The following PRKCA variants were observed in gnomAD, a reference collection of about 807,000 sequenced individuals.
PRKCA encodes the protein protein kinase C alpha.
A neutral mutation model predicts 87.0 loss-of-function variants in PRKCA; 27 were observed. The observed-to-expected ratio is 0.31, with a 90% confidence interval of 0.23 to 0.43. The LOEUF (loss-of-function observed/expected upper bound fraction) is 0.43, where lower values mean the gene tolerates loss of function less well. Among genes scored for constraint, PRKCA ranks in the 20% least tolerant of loss-of-function variants. The pLI, the probability that PRKCA is intolerant of heterozygous loss-of-function variation, is 1.00. For missense variants in PRKCA, 518 were observed against 852.3 expected, an observed-to-expected ratio of 0.61 and a Z score of 4.88; for synonymous variants, 329 against 311.1, an observed-to-expected ratio of 1.06 and a Z score of -0.61.
At chr17:66,592,603 G>A (rs1471565487) in intron 3 of PRKCA, among the ~76,000 whole-genome samples, 5 of 152,098 alleles carry the variant, frequency 3.3e-5, no homozygotes, top group African/African-American at 4.8e-5. Flanking sequence ...GAGTGGCGTG[G>A]TAGATCACAC....
intron 2 of PRKCA, among the ~76,000 whole-genome samples, chr17:66,393,320 G>T (rs2085733805): frequency 6.6e-6 from 1 of 152,158 alleles, no homozygotes; most frequent in Non-Finnish European, 1.5e-5. Flanking sequence ...CCCAGCTTCT[G>T]ATGATTTTGT....
At chr17:66,786,055 C>A (rs1051962637) in intron 14 of PRKCA, among the ~76,000 whole-genome samples, 3 of 152,198 alleles carry the variant, frequency 2.0e-5, no homozygotes, top group Non-Finnish European at 4.4e-5. Flanking sequence ...GTCTCGATCA[C>A]CTGCCCTTGT....
intron 2 of PRKCA, among the ~76,000 whole-genome samples, chr17:66,362,003 C>G (rs72846614): frequency 0.045 from 6,775 of 152,134 alleles, 219 homozygotes; most frequent in Admixed American, 0.078. Flanking sequence ...AAGCCACTTG[C>G]GTGTTCTAGA....
At chr17:66,778,980 C>T (rs777742867) in intron 14 of PRKCA, among the ~76,000 whole-genome samples, 2 of 152,152 alleles carry the variant, frequency 1.3e-5, no homozygotes, top group African/African-American at 2.4e-5. Flanking sequence ...TTCAAATCCC[C>T]TTCTTCATCT....
chr17:66,381,207 G>C (rs765907783), intron 2 of PRKCA, among the ~76,000 whole-genome samples: 1 of 152,162 alleles, frequency 6.6e-6, no homozygotes, highest in Non-Finnish European at 1.5e-5. Context: ...CTCCCAAAGT[G>C]CTGGGATTAC....
At chr17:66,436,333 C>T (rs149975119) in intron 2 of PRKCA, among the ~76,000 whole-genome samples, 76 of 152,250 alleles carry the variant, frequency 5.0e-4, no homozygotes, top group African/African-American at 1.6e-3. Context: ...GGTCAAACCC[C>T]GGTTCTACCA....
At chr17:66,548,808 GTT>G (rs10543010) in intron 3 of PRKCA, among the ~76,000 whole-genome samples, 17,482 of 147,682 alleles carry the variant, frequency 0.12, 1,245 homozygotes, top group African/African-American at 0.19. Flanking sequence ...GTTTCGGCAA[GTT>G]TTTTTTTTTT....
intron 5 of PRKCA, among the ~76,000 whole-genome samples, chr17:66,654,360 C>A (rs1489212879): frequency 6.6e-6 from 1 of 152,180 alleles, no homozygotes; most frequent in African/African-American, 2.4e-5. Flanking sequence ...CAGGCCCCAA[C>A]TGGATGCTTT....
chr17:66,539,970 G>A (rs1350958881), intron 3 of PRKCA, among the ~76,000 whole-genome samples: 1 of 152,200 alleles, frequency 6.6e-6, no homozygotes, highest in Non-Finnish European at 1.5e-5. Flanking sequence ...CACGCAACCC[G>A]AGGGATTTGA....
At chr17:66,346,955 C>T (rs138280148) in intron 2 of PRKCA, among the ~76,000 whole-genome samples, 5,523 of 151,244 alleles carry the variant, frequency 0.037, 131 homozygotes, top group Non-Finnish European at 0.048. Context: ...CACTTGAACG[C>T]GGGAGGCGGA....
intron 13 of PRKCA, among the ~76,000 whole-genome samples, chr17:66,770,155 G>A (rs1324617657): frequency 6.6e-6 from 1 of 152,234 alleles, no homozygotes; most frequent in Non-Finnish European, 1.5e-5. Context: ...CAGATGGAAA[G>A]ACAAGAAGCA....
intron 2 of PRKCA, among the ~76,000 whole-genome samples, chr17:66,489,352 C>CATATATATATATATATAT (rs10529618): frequency 1.0e-5 from 1 of 98,918 alleles, no homozygotes; most frequent in African/African-American, 3.9e-5. Flanking sequence ...CTTAGCAGTG[C>CATATATATATATATATAT]ATATATATAT....
At chr17:66,440,238 C>G (rs1913660105) in intron 2 of PRKCA, among the ~76,000 whole-genome samples, 1 of 152,196 alleles carries the variant, frequency 6.6e-6, no homozygotes, top group African/African-American at 2.4e-5. Flanking sequence ...CAAAATGAGT[C>G]CAGACCCCAT....
Position 66,483,501 on chromosome 17 carries a change from G to A in PRKCA, c.206-12700G>A, listed in dbSNP as rs868377029. Among the ~76,000 whole-genome samples, 10 of 126,458 alleles carry A rather than the reference G, an allele frequency of 7.9e-5. No homozygotes were observed. The East Asian group carries it at 2.0e-3, about 25-fold the overall frequency. The allele number at this position is 126,458 out of a possible 152,430, so 83.0% of individuals were successfully genotyped here. On this transcript the variant is annotated intron_variant, in intron 2 of 16. Transcript: ENST00000413366. ...ATTTTTTCGAGACAGAGTCTCTGTC[G>A]CCCAGGCTGTGGAGTGTGGTGGTGC...
At chr17:66,315,019 A>G (rs1285886661) in intron 2 of PRKCA, among the ~76,000 whole-genome samples, 2 of 151,738 alleles carry the variant, frequency 1.3e-5, no homozygotes, top group African/African-American at 4.9e-5. Context: ...GTGTATATAT[A>G]TGTGTGTGTG....
At chr17:66,672,786 G>A (rs892389010) in intron 5 of PRKCA, among the ~76,000 whole-genome samples, 3 of 152,158 alleles carry the variant, frequency 2.0e-5, no homozygotes, top group Non-Finnish European at 4.4e-5. Context: ...TGTTTTCAAA[G>A]CATACTTTGT....
At chr17:66,346,434 A>T (rs913670626) in intron 2 of PRKCA, among the ~76,000 whole-genome samples, 1 of 151,004 alleles carries the variant, frequency 6.6e-6, no homozygotes, top group Admixed American at 6.6e-5. Flanking sequence ...AAAATTAGAG[A>T]CAGAGTCTTG....
At chr17:66,632,270 A>G (rs11079662) in intron 3 of PRKCA, among the ~76,000 whole-genome samples, 23,511 of 152,196 alleles carry the variant, frequency 0.15, 2,052 homozygotes, top group East Asian at 0.3. Flanking sequence ...TTTTACTTTC[A>G]TGTCTGAACC....
intron 2 of PRKCA, among the ~76,000 whole-genome samples, chr17:66,336,431 A>G (rs1341681934): frequency 4.6e-5 from 7 of 152,222 alleles, no homozygotes; most frequent in Admixed American, 3.9e-4. Flanking sequence ...AGGCATCTCA[A>G]GGATTCTCCT....
Sources: gnomAD v4.1 joint callset for allele counts (sites outside exome capture counted in the v4.1 genomes callset) on GRCh38, gnomAD v4.1.1 for gene constraint, MANE v1.5 for transcripts, NCBI Gene and HGNC (gene_info 2026-07-23, HGNC 2026-07-21) for gene names.